The following GRID2 variants were observed in gnomAD, a reference collection of about 807,000 sequenced individuals.
GRID2 encodes glutamate receptor ionotropic, delta-2.
A neutral mutation model predicts 114.8 loss-of-function variants in GRID2; 33 were observed. The ratio of observed to expected loss-of-function variants is 0.29; its 90% confidence interval spans 0.22 to 0.38. GRID2 has a LOEUF of 0.38. Among genes scored for constraint, GRID2 ranks in the 10% least tolerant of loss-of-function variants. The pLI is 1.00. For synonymous variants in GRID2, 505 were observed against 449.9 expected (o/e 1.12, Z -1.55); for missense variants, 1,184 against 1,257.7 (o/e 0.94, Z 0.89).
At chr4:92,618,431 G>A in intron 2 of GRID2, among the ~76,000 whole-genome samples, 1 of 151,752 alleles carries the variant, frequency 6.6e-6, no homozygotes, top group Non-Finnish European at 1.5e-5. Flanking sequence ...ACATTTTGAA[G>A]TTTGATAGTG....
chr4:93,712,786 T>G (rs1021847727), intron 14 of GRID2, among the ~76,000 whole-genome samples: 1 of 152,194 alleles, frequency 6.6e-6, no homozygotes, highest in African/African-American at 2.4e-5. Context: ...ACCTTAAATT[T>G]TCCACGATTT....
intron 2 of GRID2, among the ~76,000 whole-genome samples, chr4:92,973,557 G>C (rs961844176): frequency 2.0e-5 from 3 of 152,114 alleles, no homozygotes; most frequent in Non-Finnish European, 4.4e-5. Flanking sequence ...GAAGCAATTA[G>C]TTTATATGCC....
intron 8 of GRID2, among the ~76,000 whole-genome samples, chr4:93,317,118 A>C (rs533843910): frequency 3.9e-5 from 6 of 152,134 alleles, no homozygotes; most frequent in African/African-American, 1.4e-4. Flanking sequence ...TGGGCTTTTT[A>C]TATCTGAGGT....
intron 13 of GRID2, among the ~76,000 whole-genome samples, chr4:93,620,462 T>G (rs1742111434): frequency 6.6e-6 from 1 of 152,224 alleles, no homozygotes; most frequent in South Asian, 2.1e-4. Flanking sequence ...GTTTGTGGCA[T>G]GGACTTCTGT....
chr4:93,364,713 G>A (rs565630067), intron 8 of GRID2, among the ~76,000 whole-genome samples: 7 of 151,882 alleles, frequency 4.6e-5, no homozygotes, highest in Admixed American at 6.6e-5. Context: ...TTGGGGCCTC[G>A]AGTGATCCTC....
At chr4:93,781,751 G>T (rs1227828976) in intron 1 of GRID2, among the ~76,000 whole-genome samples, 3 of 152,086 alleles carry the variant, frequency 2.0e-5, no homozygotes, top group African/African-American at 7.2e-5. Flanking sequence ...ACAGTTTAGG[G>T]AATAATGACA....
intron 2 of GRID2, among the ~76,000 whole-genome samples, chr4:92,725,971 G>T (rs772814014): frequency 2.0e-5 from 3 of 151,978 alleles, no homozygotes; most frequent in Non-Finnish European, 4.4e-5. Flanking sequence ...CTAAAACATG[G>T]AAAAAGGCAT....
At chr4:93,424,047 TAA>T (rs1768598994) in intron 10 of GRID2, among the ~76,000 whole-genome samples, 1 of 152,166 alleles carries the variant, frequency 6.6e-6, no homozygotes, top group South Asian at 2.1e-4. Flanking sequence ...CATTCTATCT[TAA>T]GTTAATATTG....
intron 4 of GRID2, among the ~76,000 whole-genome samples, chr4:93,118,402 C>T (rs138899152): frequency 1.1e-4 from 16 of 152,142 alleles, no homozygotes; most frequent in Admixed American, 2.0e-4. Flanking sequence ...TGATAAGGGA[C>T]GTTTAAGACC....
chr4:92,483,635 C>A (rs1257417691), intron 1 of GRID2, among the ~76,000 whole-genome samples: 1 of 152,062 alleles, frequency 6.6e-6, no homozygotes, highest in East Asian at 1.9e-4. Context: ...AATGTGATTA[C>A]CAAGCTGGGT....
At chr4:92,651,908 T>C (rs1022426865) in intron 2 of GRID2, among the ~76,000 whole-genome samples, 11 of 152,236 alleles carry the variant, frequency 7.2e-5, no homozygotes, top group East Asian at 3.9e-4. Context: ...CAAAGTTTTC[T>C]TTTTCTCTGT....
At position 93,804,177 on chromosome 4, in the gene GRID2, C is replaced by A. The variant is rs1001209108; in HGVS notation, c.222-2538C>A. On this transcript the variant is annotated intron_variant, in intron 1 of 1. Transcript: ENST00000637838. ...AAAATAAATTAAAAATTGTCCCCAC[C>A]ATCCATGAGACTATCACAGACAACA... Among the ~76,000 whole-genome samples the A allele has an allele frequency of 3.1e-4, 47 of 152,134 alleles. 1 individual carries two copies. Among genetic ancestry groups the A allele is most frequent in the Non-Finnish European group, 5.9e-4 (40 of 68,038 alleles).
At chr4:93,523,971 C>T (rs1730588919) in intron 13 of GRID2, among the ~76,000 whole-genome samples, 2 of 152,058 alleles carry the variant, frequency 1.3e-5, no homozygotes, top group South Asian at 4.1e-4. Context: ...GTTCCATTCC[C>T]CTTCCTCCTA....
intron 2 of GRID2, among the ~76,000 whole-genome samples, chr4:92,751,647 T>C (rs558664861): frequency 2.4e-4 from 37 of 152,342 alleles, no homozygotes; most frequent in African/African-American, 8.2e-4. Context: ...TAACACTTGT[T>C]CTGACCTTCC....
chr4:92,516,806 C>G (rs960227786), intron 1 of GRID2, among the ~76,000 whole-genome samples: 1 of 151,876 alleles, frequency 6.6e-6, no homozygotes, highest in African/African-American at 2.4e-5. Context: ...TCTCGACACT[C>G]TCATCTTCTT....
intron 2 of GRID2, among the ~76,000 whole-genome samples, chr4:92,925,565 T>C (rs1749748559): frequency 6.6e-6 from 1 of 152,074 alleles, no homozygotes; most frequent in Non-Finnish European, 1.5e-5. Context: ...TACATGTTGG[T>C]TGTGTCACCC....
chr4:92,653,563 T>C lies in GRID2; in HGVS notation c.244+63277T>C, dbSNP rs905199504. 8.5e-5 allele frequency among the ~76,000 whole-genome samples: 13 copies of C among 152,114 alleles called. 1 individual carries two copies. In the South Asian group the frequency reaches 2.5e-3, roughly 29 times the overall value. ...CCCATGAAAATAGAGAATCTGTTAT[T>C]ATTGTGTTAAACTATGTCTTACTTT... On this transcript the variant is annotated intron_variant, in intron 2 of 15. Transcript: ENST00000282020.
intron 1 of GRID2, among the ~76,000 whole-genome samples, chr4:92,391,585 C>A (rs1396465909): frequency 6.6e-6 from 1 of 151,868 alleles, no homozygotes; most frequent in Admixed American, 6.6e-5. Flanking sequence ...CAAAACAAAA[C>A]AAAAATGCAT....
At chr4:93,675,870 A>C (rs914490124) in intron 14 of GRID2, among the ~76,000 whole-genome samples, 1 of 152,234 alleles carries the variant, frequency 6.6e-6, no homozygotes, top group African/African-American at 2.4e-5. Context: ...AATGGCTTAT[A>C]CTTTCCACTC....
Sources: gnomAD v4.1 joint callset for allele counts (sites outside exome capture counted in the v4.1 genomes callset) on GRCh38, gnomAD v4.1.1 for gene constraint, MANE v1.5 for transcripts, NCBI Gene and HGNC (gene_info 2026-07-23, HGNC 2026-07-21) for gene names.